Variants in ASTN1 observed in about 807,000 individuals in gnomAD.
ASTN1 encodes astrotactin-1.
ASTN1 carries 41 observed loss-of-function variants against 140.7 expected under a neutral mutation model. That is an observed-to-expected ratio of 0.29 (90% CI 0.23 to 0.38). The LOEUF is 0.38. Among genes scored for constraint, ASTN1 ranks in the 10% least tolerant of loss-of-function variants. ASTN1 has a pLI of 1.00. For synonymous variants in ASTN1, 640 were observed against 652.2 expected (o/e 0.98, Z 0.29); for missense variants, 1,479 against 1,678.8 (o/e 0.88, Z 2.08).
At chr1:176,868,477 CA>C (rs972891666) in intron 22 of ASTN1, among the ~76,000 whole-genome samples, 6 of 152,030 alleles carry the variant, frequency 3.9e-5, no homozygotes, top group South Asian at 4.1e-4. Context: ...AACCTAAATG[CA>C]AAAAAAATTT....
rs576639765 is a variant in ASTN1, at chr1:177,107,975, C to T, written c.284-46710G>A. Among the ~76,000 whole-genome samples, 5 of 151,964 alleles carry T rather than the reference C, an allele frequency of 3.3e-5. No individual in the cohort carries two copies. The South Asian group carries it at 8.3e-4, about 25-fold the overall frequency. Reference sequence around the variant, plus strand: ...GGGAAGAAGTTGCAATCAATTTAACCAACAGTTGATGCTCCACAATGCTAT... The same window carrying T: ...GGGAAGAAGTTGCAATCAATTTAACTAACAGTTGATGCTCCACAATGCTAT... On this transcript the variant is annotated intron_variant, in intron 1 of 22. Transcript: ENST00000361833.
At chr1:177,002,651 T>G (rs1011472972) in intron 8 of ASTN1, among the ~76,000 whole-genome samples, 3 of 152,234 alleles carry the variant, frequency 2.0e-5, no homozygotes, top group African/African-American at 7.2e-5. Flanking sequence ...TGTTTGCTCT[T>G]AATTTTTGAA....
Position 177,023,556 on chromosome 1 carries a change from A to G in ASTN1, c.1286T>C (p.Leu429Ser). The G allele has an allele frequency of 6.3e-7, 1 of 1,596,910 alleles. No individual in the cohort carries two copies. The highest frequency in any genetic ancestry group is 8.5e-7 in the Non-Finnish European group (1 of 1,174,188). The part of the protein sequence containing the change: ...HLIADGSRFI[L>S]LEGSQLDASD... ...GGCATCCAGCTGGCTCCCCTCCAGC[A>G]AGATGAAGCGGCTCCCTGCAGGGTG... Residue 429 changes from leucine to serine, a missense_variant, in exon 7 of 23, where the codon TTG becomes TCG. Physicochemically the swap from Leu to Ser is moderately radical, Grantham distance 145. Coordinates refer to ENST00000361833, the MANE Select transcript of ASTN1 (RefSeq NM_004319.3).
intron 21 of ASTN1, among the ~76,000 whole-genome samples, chr1:176,871,595 G>A (rs774238075): frequency 4.6e-5 from 7 of 152,218 alleles, no homozygotes; most frequent in East Asian, 3.9e-4. Context: ...CTAAAACCAC[G>A]ATATTCTAGC....
rs578124659 is a variant in ASTN1, at chr1:176,915,656, T to C, written c.2671+18496A>G. 3.9e-4 allele frequency among the ~76,000 whole-genome samples: 60 copies of C among 152,268 alleles called. 1 individual carries two copies. Among genetic ancestry groups the C allele is most frequent in the South Asian group, 2.9e-3 (14 of 4,818 alleles). On this transcript the variant is annotated intron_variant, in intron 16 of 22. Transcript: ENST00000361833. ...GGATTTTAGATTACTCCTCTCCCTT[T>C]GTTCCCCAGAACCCAACATCTATAA...
In ASTN1 at chr1:176,890,453, G is replaced by A. The variant is rs1004252193; in HGVS notation, c.2941-2249C>T. The stretch of plus-strand genomic sequence containing the variant: ...ACTTCTAAAATCAATGGAAAAAAAG[G>A]TGGGTCTGTCTGTAAAAGACAGCCT... On this transcript the variant is annotated intron_variant, in intron 17 of 22. Coordinates refer to ENST00000361833, the MANE Select transcript of ASTN1 (RefSeq NM_004319.3). Among the ~76,000 whole-genome samples, 3 of 152,138 alleles carry A rather than the reference G, an allele frequency of 2.0e-5. 1 individual carries two copies. The highest frequency in any genetic ancestry group is 4.1e-4 in the South Asian group (2 of 4,822).
At position 177,091,160 on chromosome 1, in the gene ASTN1, A is replaced by G. The variant is rs1359992114; in HGVS notation, c.284-29895T>C. On this transcript the variant is annotated intron_variant, in intron 1 of 22. Coordinates refer to ENST00000361833, the MANE Select transcript of ASTN1 (RefSeq NM_004319.3). ...ATTAGATGCTTCCTGAAACACAGCA[A>G]CCAGAACTGACCTCAAAAGTCTAGG... 3.3e-5 allele frequency among the ~76,000 whole-genome samples: 5 copies of G among 152,192 alleles called. No individual in the cohort carries two copies. In the East Asian group the frequency reaches 7.7e-4, roughly 23 times the overall value.
At chr1:176,957,967 T>C (rs1209446662) in intron 10 of ASTN1, 139 bp from the exon 11 acceptor site, 1 of 1,148,402 alleles carries the variant, frequency 8.7e-7, no homozygotes. Context: ...TCAACTATAC[T>C]CCAAGCCTTG....
chr1:177,035,403 GTAAC>G (rs113966942), intron 2 of ASTN1, among the ~76,000 whole-genome samples: 8 of 152,304 alleles, frequency 5.3e-5, no homozygotes, highest in African/African-American at 1.9e-4. Flanking sequence ...GAAAAAAAGA[GTAAC>G]TATTCAAATA....
intron 17 of ASTN1, among the ~76,000 whole-genome samples, chr1:176,893,199 C>T (rs544358107): frequency 6.6e-6 from 1 of 152,196 alleles, no homozygotes; most frequent in African/African-American, 2.4e-5. Flanking sequence ...TTTGCATGAA[C>T]TCTCTGATCC....
chr1:176,876,895 C>T (rs1332131685), intron 20 of ASTN1, among the ~76,000 whole-genome samples: 4 of 152,168 alleles, frequency 2.6e-5, no homozygotes, highest in African/African-American at 9.7e-5. Flanking sequence ...TGGCATCAGG[C>T]ACCGGTTCTC....
rs760279606 is a variant in ASTN1 at position 177,122,962 on chromosome 1, A to T, written c.283+41432T>A. 1.4e-4 allele frequency among the ~76,000 whole-genome samples: 22 copies of T among 152,226 alleles called. No homozygotes were observed. In the Middle Eastern group the frequency reaches 0.01, roughly 71 times the overall value. Reference sequence around the variant, plus strand: ...TCTCTCTAGGGATTATCATAACTGAAGCGCTTCCTGAGGCATCAGCCCCTA... The same window carrying T: ...TCTCTCTAGGGATTATCATAACTGATGCGCTTCCTGAGGCATCAGCCCCTA... On this transcript the variant is annotated intron_variant, in intron 1 of 22. Transcript: ENST00000361833.
chr1:177,150,254 C>T (rs780042254), intron 1 of ASTN1, among the ~76,000 whole-genome samples: 1 of 151,896 alleles, frequency 6.6e-6, no homozygotes, highest in Admixed American at 6.6e-5. Flanking sequence ...TGACCAAAGT[C>T]AATAAAAAGT....
At chr1:177,151,612 G>C (rs2102247709) in intron 1 of ASTN1, among the ~76,000 whole-genome samples, 1 of 152,214 alleles carries the variant, frequency 6.6e-6, no homozygotes, top group South Asian at 2.1e-4. Flanking sequence ...GTCTTTCCAA[G>C]CTGAATCACT....
At chr1:176,883,733 C>T (rs962936149) in intron 19 of ASTN1, among the ~76,000 whole-genome samples, 2 of 152,160 alleles carry the variant, frequency 1.3e-5, no homozygotes, top group Non-Finnish European at 2.9e-5. Context: ...GTGACCACAT[C>T]CCATGCATAA....
In ASTN1 at chr1:176,867,976, A is replaced by G. The variant is rs556858623; in HGVS notation, c.3647+868T>C. ...CTTCCTTCTTTCCTTCCTTCCTTTTAAATTTTTTCCTTCCTTCTTCATTTT... is the reference window on the plus strand; with the variant it reads ...CTTCCTTCTTTCCTTCCTTCCTTTTGAATTTTTTCCTTCCTTCTTCATTTT... On this transcript the variant is annotated intron_variant, in intron 22 of 22. Coordinates refer to ENST00000361833, the MANE Select transcript of ASTN1 (RefSeq NM_004319.3). 1.5e-4 allele frequency among the ~76,000 whole-genome samples: 22 copies of G among 150,590 alleles called. No individual in the cohort carries two copies. The Middle Eastern group carries it at 0.017, about 116-fold the overall frequency.
At chr1:177,076,938 C>G (rs923311847) in intron 1 of ASTN1, among the ~76,000 whole-genome samples, 1 of 152,048 alleles carries the variant, frequency 6.6e-6, no homozygotes, top group Non-Finnish European at 1.5e-5. Flanking sequence ...TCATCAGGGC[C>G]GGAGACTGGC....
At position 177,088,465 on chromosome 1, in the gene ASTN1, C is replaced by A. The variant is rs1159797212; in HGVS notation, c.284-27200G>T. Among the ~76,000 whole-genome samples the A allele has an allele frequency of 2.0e-5, 3 of 152,114 alleles. No homozygotes were observed. The East Asian group carries it at 5.8e-4, about 29-fold the overall frequency. On this transcript the variant is annotated intron_variant, in intron 1 of 22. Transcript: ENST00000361833. The stretch of plus-strand genomic sequence containing the variant: ...AATAGCCCTGACATTCACCATGTGC[C>A]CGACTGGATACTTCCCTGAATGTGG...
intron 17 of ASTN1, among the ~76,000 whole-genome samples, chr1:176,888,479 C>T (rs1247272739): frequency 2.0e-5 from 3 of 152,168 alleles, no homozygotes; most frequent in Non-Finnish European, 4.4e-5. Flanking sequence ...ATATTCCGCC[C>T]TCCATCTGTC....
Sources: allele counts gnomAD v4.1 joint callset (sites outside exome capture counted in the v4.1 genomes callset), GRCh38; gene constraint gnomAD v4.1.1; transcripts MANE v1.5; gene names NCBI Gene and HGNC (gene_info 2026-07-23, HGNC 2026-07-21).